The following GALNT17 variants were observed in gnomAD, a reference collection of about 807,000 sequenced individuals.
GALNT17 encodes the protein polypeptide N-acetylgalactosaminyltransferase 17, also known as UDP-GalNAc:polypeptide N-acetylgalactosaminyltransferase-like 3.
A neutral mutation model predicts 63.7 loss-of-function variants in GALNT17; 29 were observed. That is an observed-to-expected ratio of 0.46 (90% CI 0.34 to 0.62). The LOEUF is 0.62. Among genes scored for constraint, GALNT17 ranks in the 20% least tolerant of loss-of-function variants. GALNT17 has a pLI of 0.01. For missense variants in GALNT17, 603 were observed against 799.6 expected (o/e 0.75, Z 2.97); for synonymous variants, 305 against 318.3 (o/e 0.96, Z 0.45).
At chr7:71,328,162 G>A (rs954580770) in intron 1 of GALNT17, among the ~76,000 whole-genome samples, 4 of 152,118 alleles carry the variant, frequency 2.6e-5, no homozygotes. Context: ...CTTTATCTTC[G>A]AGTTCTTACC....
At chr7:71,581,827 G>T (rs1030234959) in intron 6 of GALNT17, among the ~76,000 whole-genome samples, 1 of 152,140 alleles carries the variant, frequency 6.6e-6, no homozygotes, top group Non-Finnish European at 1.5e-5. Context: ...TAACCTGACA[G>T]TGAGATGTCA....
At chr7:71,580,409 A>ATAGG (rs1299349646) in intron 6 of GALNT17, among the ~76,000 whole-genome samples, 1 of 144,418 alleles carries the variant, frequency 6.9e-6, no homozygotes. Flanking sequence ...TGATAGATAG[A>ATAGG]TAGATAGATA....
intron 9 of GALNT17, among the ~76,000 whole-genome samples, chr7:71,682,744 G>T (rs59665531): frequency 0.032 from 4,809 of 151,994 alleles, 262 homozygotes; most frequent in African/African-American, 0.11. Flanking sequence ...AGAAATAGGG[G>T]TCTCCCTATG....
intron 1 of GALNT17, among the ~76,000 whole-genome samples, chr7:71,173,756 G>A (rs919983083): frequency 6.6e-6 from 1 of 152,012 alleles, no homozygotes; most frequent in African/African-American, 2.4e-5. Context: ...TTGTGCGATA[G>A]GGCGAGACTC....
At chr7:71,252,699 A>G (rs1790221835) in intron 1 of GALNT17, among the ~76,000 whole-genome samples, 1 of 152,186 alleles carries the variant, frequency 6.6e-6, no homozygotes, top group African/African-American at 2.4e-5. Context: ...GTGAAAGGAA[A>G]ATACAACCTT....
intron 1 of GALNT17, among the ~76,000 whole-genome samples, chr7:71,299,895 AG>A (rs1188054529): frequency 2.0e-5 from 3 of 152,078 alleles, no homozygotes; most frequent in African/African-American, 7.2e-5. Context: ...CCTCTGGAGT[AG>A]CTGGAATTAC....
At chr7:71,236,199 A>AT (rs1023445677) in intron 1 of GALNT17, among the ~76,000 whole-genome samples, 6 of 151,782 alleles carry the variant, frequency 4.0e-5, no homozygotes, top group African/African-American at 1.5e-4. Flanking sequence ...TTAAATAAAA[A>AT]AAAAAATAAA....
chr7:71,226,489 C>T (rs1311211297), intron 1 of GALNT17, among the ~76,000 whole-genome samples: 1 of 149,104 alleles, frequency 6.7e-6, no homozygotes, highest in Non-Finnish European at 1.5e-5. Context: ...ATGAGGTTGG[C>T]TTTCTTTTTT....
chr7:71,397,022 A>T (rs77765219), intron 3 of GALNT17, among the ~76,000 whole-genome samples: 1 of 152,152 alleles, frequency 6.6e-6, no homozygotes, highest in South Asian at 2.1e-4. Context: ...TGTAGATTCT[A>T]TAGAGCTTTC....
chr7:71,493,201 G>A (rs1017056755), intron 5 of GALNT17, among the ~76,000 whole-genome samples: 1 of 152,094 alleles, frequency 6.6e-6, no homozygotes, highest in African/African-American at 2.4e-5. Context: ...AGGCTCTCCT[G>A]GGTTTTTCCT....
chr7:71,570,743 G>C (rs1029517799), intron 5 of GALNT17, among the ~76,000 whole-genome samples: 1 of 152,072 alleles, frequency 6.6e-6, no homozygotes, highest in Non-Finnish European at 1.5e-5. Context: ...ACTTTGGGAC[G>C]CTGAGGTGGG....
At chr7:71,136,874 C>G (rs1787793256) in intron 1 of GALNT17, among the ~76,000 whole-genome samples, 1 of 151,900 alleles carries the variant, frequency 6.6e-6, no homozygotes, top group Non-Finnish European at 1.5e-5. Context: ...GCAACCTCTA[C>G]TTCCCCGGCT....
chr7:71,314,149 AT>A (rs563178124), intron 1 of GALNT17, among the ~76,000 whole-genome samples: 84 of 152,070 alleles, frequency 5.5e-4, no homozygotes, highest in Admixed American at 3.7e-3. Flanking sequence ...CAATTGAAAT[AT>A]TTTTTTATGT....
intron 3 of GALNT17, 22 bp from the exon 4 acceptor site, chr7:71,415,867 C>T: frequency 3.2e-6 from 5 of 1,564,710 alleles, no homozygotes; most frequent in Non-Finnish European, 4.3e-6. Context: ...TATAGACCTT[C>T]TTGCATTTTT....
At chr7:71,212,558 G>C (rs1392695298) in intron 1 of GALNT17, among the ~76,000 whole-genome samples, 1 of 152,138 alleles carries the variant, frequency 6.6e-6, no homozygotes, top group Non-Finnish European at 1.5e-5. Flanking sequence ...TCCACTGACA[G>C]CTTGCACCGT....
chr7:71,476,267 CAGT>C (rs1184963185), intron 5 of GALNT17, among the ~76,000 whole-genome samples: 2 of 152,172 alleles, frequency 1.3e-5, no homozygotes, highest in Admixed American at 6.5e-5. Context: ...AAGATGTTAG[CAGT>C]GGAAGACCAA....
intron 6 of GALNT17, among the ~76,000 whole-genome samples, chr7:71,658,277 C>G (rs1790858800): frequency 6.6e-6 from 1 of 152,112 alleles, no homozygotes; most frequent in Non-Finnish European, 1.5e-5. Flanking sequence ...TGTAACTAAA[C>G]CAACGTGCCA....
chr7:71,331,672 A>G, intron 1 of GALNT17, among the ~76,000 whole-genome samples: 1 of 151,834 alleles, frequency 6.6e-6, no homozygotes, highest in African/African-American at 2.4e-5. Flanking sequence ...CTGTGATTAT[A>G]CCACTGCACT....
intron 6 of GALNT17, among the ~76,000 whole-genome samples, chr7:71,625,125 C>A (rs1295068746): frequency 2.0e-5 from 3 of 148,320 alleles, no homozygotes; most frequent in Admixed American, 7.1e-5. Flanking sequence ...CTTCTTTGGT[C>A]TCCAGCCTTT....
Sources: gnomAD v4.1 joint callset for allele counts (sites outside exome capture counted in the v4.1 genomes callset) on GRCh38, gnomAD v4.1.1 for gene constraint, MANE v1.5 for transcripts, NCBI Gene and HGNC (gene_info 2026-07-23, HGNC 2026-07-21) for gene names.